The following KNDC1 variants were observed in gnomAD, a reference collection of about 807,000 sequenced individuals.
KNDC1 encodes kinase non-catalytic C-lobe domain containing 1.
A neutral mutation model predicts 172.8 loss-of-function variants in KNDC1; 106 were observed. The observed-to-expected ratio is 0.61, with a 90% CI of 0.52 to 0.72. The LOEUF is 0.72. Ranked by LOEUF, KNDC1 falls within the 30% of genes least tolerant of loss-of-function variation. The pLI is 0.00. For missense variants in KNDC1, 2,325 were observed against 2,394.5 expected (o/e 0.97, Z 0.61); for synonymous variants, 1,083 against 1,062.2 (o/e 1.02, Z -0.38).
At chr10:133,187,964 T>C (rs893804548) in intron 6 of KNDC1, among the ~76,000 whole-genome samples, 3 of 123,916 alleles carry the variant, frequency 2.4e-5, no homozygotes, top group Non-Finnish European at 4.9e-5. Flanking sequence ...TTCCCCTCCA[T>C]GAGCTCTGTC....
At position 133,163,916 on chromosome 10, in the gene KNDC1, G is replaced by T. The variant is rs1372751611; in HGVS notation, c.102+3347G>T. On this transcript the variant is annotated intron_variant, in intron 1 of 29. Transcript: ENST00000304613. The surrounding 1 kb of genome is among the most constrained non-coding windows in gnomAD (Gnocchi z 4.4). ...CCTCCTCCCACCTGGGATGGGGGTG[G>T]AGTTCGTGGCCACCTGCCTTCCCAA... Among the ~76,000 whole-genome samples, 1 of 144,702 alleles carries T rather than the reference G, an allele frequency of 6.9e-6. No individual in the cohort carries two copies. Among genetic ancestry groups the T allele is most frequent in the Admixed American group, 6.9e-5 (1 of 14,462 alleles). 94.9% of individuals were successfully genotyped at this position (144,702 alleles called of 152,430 possible). A position where few individuals can be genotyped will look rare whatever the true frequency, so the allele number is the denominator to read the frequency against.
chr10:133,186,212 C>T lies in KNDC1; in HGVS notation c.864C>T (p.Thr288=). The T allele has an allele frequency of 6.3e-7, 1 of 1,575,544 alleles. No homozygotes were observed. The change falls in exon 6 of 30, where the codon ACC becomes ACT. Residue 288 remains threonine, a synonymous_variant. Transcript: ENST00000304613. ...GCCTCGTCCTGGATGCCGAGCGCAC[C>T]CTCGGGGAGCTGGACAGAGACGCCC... ...LAGLVLDAER[T]LGELDRDALR...
Position 133,205,549 on chromosome 10 carries a change from C to A in KNDC1, c.3388-1136C>A, listed in dbSNP as rs1845162643. 3.3e-5 allele frequency among the ~76,000 whole-genome samples: 5 copies of A among 152,246 alleles called. No homozygotes were observed. In the South Asian group the frequency reaches 1.0e-3, roughly 31 times the overall value. Reference sequence around the variant, plus strand: ...TCTATGGAGCACCCAAGGGCTGGGGCAAACGCTGCGGCCGCCGCCCAGCAA... The same window carrying A: ...TCTATGGAGCACCCAAGGGCTGGGGAAAACGCTGCGGCCGCCGCCCAGCAA... On this transcript the variant is annotated intron_variant, in intron 17 of 29. Transcript: ENST00000304613.
At chr10:133,168,136 A>G in intron 2 of KNDC1, 118 bp from the exon 3 acceptor site, 1 of 851,546 alleles carries the variant, frequency 1.2e-6, no homozygotes, top group Non-Finnish European at 2.0e-6. Flanking sequence ...GTCTGGGGAC[A>G]CCAGGTCTGC....
chr10:133,161,182 G>C (rs771703817), intron 1 of KNDC1, among the ~76,000 whole-genome samples: 18 of 152,168 alleles, frequency 1.2e-4, no homozygotes, highest in Non-Finnish European at 2.6e-4. Context: ...ACCTTGGCTG[G>C]GTCTGACCCT....
At chr10:133,218,432 G>T (rs993944996) in intron 26 of KNDC1, among the ~76,000 whole-genome samples, 9 of 152,218 alleles carry the variant, frequency 5.9e-5, no homozygotes, top group African/African-American at 2.2e-4. Context: ...GGGTTGGGGG[G>T]TGGGCACGGA....
chr10:133,181,724 T>C (rs1021091132), intron 3 of KNDC1, among the ~76,000 whole-genome samples: 2 of 151,716 alleles, frequency 1.3e-5, no homozygotes, highest in Admixed American at 1.3e-4. Context: ...GCAGGCAGAG[T>C]GCAGCTGGGG....
intron 26 of KNDC1, among the ~76,000 whole-genome samples, chr10:133,214,710 G>A (rs150259721): frequency 1.1e-4 from 16 of 152,330 alleles, no homozygotes; most frequent in African/African-American, 3.1e-4. Flanking sequence ...GATCGGCTCC[G>A]TGGTCTGACC....
At chr10:133,190,910 T>C (rs1444876526) in intron 9 of KNDC1, among the ~76,000 whole-genome samples, 1 of 152,236 alleles carries the variant, frequency 6.6e-6, no homozygotes, top group Non-Finnish European at 1.5e-5. Context: ...GCACTGTGTG[T>C]GTTCCTGTGG....
intron 5 of KNDC1, among the ~76,000 whole-genome samples, chr10:133,184,458 GAC>G (rs1343228699): frequency 4.6e-4 from 70 of 152,024 alleles, no homozygotes; most frequent in African/African-American, 1.5e-3. Flanking sequence ...TTCACACACT[GAC>G]AGTCACACAC....
chr10:133,161,980 G>A (rs575041581), intron 1 of KNDC1, among the ~76,000 whole-genome samples: 1 of 152,078 alleles, frequency 6.6e-6, no homozygotes, highest in East Asian at 1.9e-4. Context: ...CCCCACTCCC[G>A]CTCCCCACCC....
intron 3 of KNDC1, among the ~76,000 whole-genome samples, chr10:133,180,033 G>T (rs1419906374): frequency 6.6e-6 from 1 of 152,192 alleles, no homozygotes; most frequent in Non-Finnish European, 1.5e-5. Context: ...GCTGCCCTGG[G>T]GCCTCCGAGG....
In KNDC1 at chr10:133,200,479, C is replaced by T; in HGVS notation, c.2989+19C>T. On this transcript the variant is annotated intron_variant, in intron 16 of 29. Coordinates refer to ENST00000304613, the MANE Select transcript of KNDC1 (RefSeq NM_152643.8). ...CGCCTGGGTAAGTGCTGGGCGGGCC[C>T]CGCGGCAGGAGCTCTGCTGGGCGGC... is the stretch of plus-strand genomic sequence containing the variant. The T allele has an allele frequency of 6.6e-7, 1 of 1,506,424 alleles. No homozygotes were observed. Among genetic ancestry groups the T allele is most frequent in the Non-Finnish European group, 8.9e-7 (1 of 1,128,102 alleles). 93.3% of individuals were successfully genotyped at this position (1,506,424 alleles called of 1,614,324 possible).
intron 1 of KNDC1, among the ~76,000 whole-genome samples, chr10:133,165,028 GC>G (rs1853103916): frequency 6.6e-6 from 1 of 152,196 alleles, no homozygotes; most frequent in Non-Finnish European, 1.5e-5. Context: ...GTGACCCGGG[GC>G]CCAGAGTTCA....
intron 5 of KNDC1, among the ~76,000 whole-genome samples, chr10:133,184,321 C>A (rs1461434980): frequency 6.8e-6 from 1 of 146,970 alleles, no homozygotes; most frequent in African/African-American, 2.5e-5. Flanking sequence ...ACAACCCATG[C>A]ACACACACCT....
At chr10:133,222,103 GA>G (rs1440287564) in intron 29 of KNDC1, among the ~76,000 whole-genome samples, 1 of 150,026 alleles carries the variant, frequency 6.7e-6, no homozygotes, top group Non-Finnish European at 1.5e-5. Flanking sequence ...CCAACATGGT[GA>G]AACCCCATCT....
intron 17 of KNDC1, among the ~76,000 whole-genome samples, chr10:133,204,882 G>T (rs929029049): frequency 6.6e-6 from 1 of 151,942 alleles, no homozygotes; most frequent in Non-Finnish European, 1.5e-5. Context: ...GGGCTGCCGC[G>T]CCTCTCACCT....
chr10:133,198,250 G>A, intron 12 of KNDC1, 87 bp from the exon 13 acceptor site: 1 of 1,413,950 alleles, frequency 7.1e-7, no homozygotes. Context: ...CACTGGGTGG[G>A]ATGAGCACTG....
Position 133,212,809 on chromosome 10 carries a change from T to C in KNDC1, c.4330T>C (p.Cys1444Arg), listed in dbSNP as rs74164122. ...CATTGCTGCCGCCCTGCCCAAGCCC[T>C]GCTTCCTCGAGGACTTCTACGGCCC... ...YTIAAALPKP[C>R]FLEDFYGPCA... Residue 1444 changes from cysteine to arginine, a missense_variant, in exon 24 of 30, where the codon TGC (cysteine) becomes CGC (arginine). Cys to Arg is a radical substitution (Grantham distance 180, BLOSUM62 -3). Transcript: ENST00000304613. 683 of 1,613,942 alleles carry C rather than the reference T, an allele frequency of 4.2e-4. 13 individuals are homozygous for C. The African/African-American group carries it at 8.3e-3, about 20-fold the overall frequency.
Sources: gnomAD v4.1 joint callset for allele counts (sites outside exome capture counted in the v4.1 genomes callset) on GRCh38, gnomAD v4.1.1 for gene constraint, Gnocchi (gnomAD v3.1) non-coding constraint, MANE v1.5 for transcripts, NCBI Gene and HGNC (gene_info 2026-07-23, HGNC 2026-07-21) for gene names.